The following IGFL2 variants were observed in gnomAD, a reference collection of about 807,000 sequenced individuals.
The protein encoded by IGFL2 is IGF like family member 2, also known as insulin growth factor-like family member 2.
Under a neutral mutation model 13.9 loss-of-function variants are expected in IGFL2, and 7 were observed. That is an observed-to-expected ratio of 0.51 (90% CI 0.29 to 0.95). The LOEUF (loss-of-function observed/expected upper bound fraction) is 0.95. IGFL2 is among the 40% of genes least tolerant of loss of function. The probability of loss-of-function intolerance (pLI) is 0.08; values close to 1 mark genes in which losing one functional copy is unlikely to be tolerated. For missense variants in IGFL2, 138 were observed against 147.8 expected (o/e 0.93, Z 0.34); for synonymous variants, 55 against 55.8 (o/e 0.99, Z 0.07).
the IGFL2 span, among the ~76,000 whole-genome samples, chr19:46,106,096 G>A: frequency 6.6e-6 from 1 of 152,182 alleles, no homozygotes; most frequent in African/African-American, 2.4e-5. Context: ...AGGAAGGAAA[G>A]GAGTTGTTGT....
At chr19:46,120,497 C>G in the IGFL2 span, 2 of 1,244,588 alleles carry the variant, frequency 1.6e-6, 1 homozygote. Context: ...AACAGAAGGA[C>G]ACAGTCACCA....
the IGFL2 span, among the ~76,000 whole-genome samples, chr19:46,095,088 C>T: frequency 6.6e-6 from 1 of 152,096 alleles, no homozygotes; most frequent in Non-Finnish European, 1.5e-5. Context: ...GGTTCTTGAT[C>T]CTTGAGGAAT....
the IGFL2 span, chr19:46,120,412 A>G: frequency 1.9e-6 from 3 of 1,606,668 alleles, no homozygotes; most frequent in South Asian, 3.3e-5. Context: ...TCAGGAAAAA[A>G]TTATCCCCTA....
the IGFL2 span, chr19:46,189,571 A>G: frequency 5.9e-5 from 9 of 152,346 alleles, no homozygotes; most frequent in Non-Finnish European, 1.3e-4. Flanking sequence ...AAAGTCGGCT[A>G]GGTAACGGGC....
At chr19:46,136,785 C>A in the IGFL2 span, 3 of 653,272 alleles carry the variant, frequency 4.6e-6, no homozygotes, top group Non-Finnish European at 8.6e-6. Flanking sequence ...CTCTCCAACC[C>A]GTTTGAGTGC....
the IGFL2 span, among the ~76,000 whole-genome samples, chr19:46,188,528 A>T: frequency 6.6e-6 from 1 of 152,178 alleles, no homozygotes; most frequent in African/African-American, 2.4e-5. Context: ...ATAATGGGTG[A>T]TCAGAAGCTC....
At chr19:46,194,265 A>G in the IGFL2 span, among the ~76,000 whole-genome samples, 1 of 151,982 alleles carries the variant, frequency 6.6e-6, no homozygotes, top group Non-Finnish European at 1.5e-5. Flanking sequence ...CAAAATACCC[A>G]GTGAGGCGTT....
the IGFL2 span, among the ~76,000 whole-genome samples, chr19:46,186,261 C>T: frequency 7.9e-5 from 12 of 152,310 alleles, no homozygotes; most frequent in Non-Finnish European, 1.3e-4. Flanking sequence ...AGGGCACCCC[C>T]GCCGACCTGA....
At chr19:46,090,603 A>T in the IGFL2 span, among the ~76,000 whole-genome samples, 4 of 152,228 alleles carry the variant, frequency 2.6e-5, no homozygotes, top group South Asian at 2.1e-4. Flanking sequence ...AGGGTGACCT[A>T]TGCTGGTACG....
At chr19:46,145,196 A>G (rs917076205), upstream of IGFL2, among the ~76,000 whole-genome samples, 2 of 152,126 alleles carry the variant, frequency 1.3e-5, no homozygotes, top group Non-Finnish European at 2.9e-5. Flanking sequence ...AACAGCCAAA[A>G]TGTTTTTCGG....
the IGFL2 span, among the ~76,000 whole-genome samples, chr19:46,081,705 A>G: frequency 6.6e-6 from 1 of 152,212 alleles, no homozygotes; most frequent in Non-Finnish European, 1.5e-5. Context: ...CTTTGATACC[A>G]TACCTCAGAG....
rs368209452 is a variant in IGFL2, at chr19:46,153,914, C to T, written c.19+5617C>T. On this transcript the variant is annotated intron_variant, in intron 1 of 3. Coordinates refer to ENST00000377693, the MANE Select transcript of IGFL2 (RefSeq NM_001135113.2). ...TTACATGTGCCATGGTGGTTTGTTT[C>T]ACCTATCAACCCGTCATCTAGGTTT... Among the ~76,000 whole-genome samples, 8 of 151,198 alleles carry T rather than the reference C, an allele frequency of 5.3e-5. No homozygotes were observed. The South Asian group carries it at 8.4e-4, about 16-fold the overall frequency.
At position 46,151,680 on chromosome 19, in the gene IGFL2, A is replaced by C. The variant is rs569527129; in HGVS notation, c.19+3383A>C. On this transcript the variant is annotated intron_variant, in intron 1 of 3. Coordinates refer to ENST00000377693, the MANE Select transcript of IGFL2 (RefSeq NM_001135113.2). ...ATCCCAGCACTTTTGGAGGCCAAGG[A>C]AGGTGGATGGCTTGATCTCAGGCGT... Among the ~76,000 whole-genome samples the C allele has an allele frequency of 8.3e-4, 127 of 152,240 alleles. 2 individuals are homozygous for C. In the Middle Eastern group the frequency reaches 0.017, roughly 20 times the overall value.
chr19:46,131,455 T>C, the IGFL2 span, among the ~76,000 whole-genome samples: 1 of 152,226 alleles, frequency 6.6e-6, no homozygotes, highest in Non-Finnish European at 1.5e-5. Context: ...AAATGGGAAT[T>C]CAGATGAAAT....
At chr19:46,083,700 A>G in the IGFL2 span, among the ~76,000 whole-genome samples, 1 of 152,214 alleles carries the variant, frequency 6.6e-6, no homozygotes, top group African/African-American at 2.4e-5. Context: ...AGAGGACAGA[A>G]GAGTCACAAA....
At chr19:46,122,893 G>A in the IGFL2 span, among the ~76,000 whole-genome samples, 1 of 150,786 alleles carries the variant, frequency 6.6e-6, no homozygotes, top group Non-Finnish European at 1.5e-5. Flanking sequence ...TGATTAAAAT[G>A]TAATCTTCCA....
downstream of IGFL2, among the ~76,000 whole-genome samples, chr19:46,165,995 C>T (rs117496190): frequency 4.7e-3 from 711 of 152,312 alleles, 1 homozygote; most frequent in Non-Finnish European, 8.3e-3. Context: ...ATATAATGGC[C>T]TAGCATGTGG....
chr19:46,120,244 C>G, the IGFL2 span: 1 of 1,586,916 alleles, frequency 6.3e-7, no homozygotes, highest in Non-Finnish European at 8.6e-7. Flanking sequence ...AGTTGCTTCT[C>G]TCCGAAGTTC....
chr19:46,166,342 G>A, the IGFL2 span, among the ~76,000 whole-genome samples: 1 of 152,168 alleles, frequency 6.6e-6, no homozygotes, highest in African/African-American at 2.4e-5. Flanking sequence ...AAACCAGCAA[G>A]TTTTTATTAG....
Sources: gnomAD v4.1 joint callset for allele counts (sites outside exome capture counted in the v4.1 genomes callset) on GRCh38, gnomAD v4.1.1 for gene constraint, MANE v1.5 for transcripts, NCBI Gene and HGNC (gene_info 2026-07-23, HGNC 2026-07-21) for gene names.